The following PLAC9 variants were observed in gnomAD, a reference collection of about 807,000 sequenced individuals.
The protein encoded by PLAC9 is placenta associated 9.
PLAC9 carries 12 observed loss-of-function variants against 11.5 expected under a neutral mutation model. The observed-to-expected ratio is 1.05, with a 90% CI of 0.67 to 1.69. The LOEUF (loss-of-function observed/expected upper bound fraction) is 1.69, where lower values mean the gene tolerates loss of function less well. Among genes scored for constraint, PLAC9 ranks in the 40% most tolerant of loss-of-function variants. The probability of loss-of-function intolerance (pLI) is 0.00; values close to 1 mark genes in which losing one functional copy is unlikely to be tolerated. For synonymous variants in PLAC9, 62 were observed against 58.1 expected (o/e 1.07, Z -0.31); for missense variants, 132 against 130.5 (o/e 1.01, Z -0.06).
rs1334023841 is a variant in PLAC9, at chr10:80,145,138, AC to A, written c.*233del. 14 of 671,412 alleles carry A rather than the reference AC, an allele frequency of 2.1e-5. No homozygotes were observed. In the Admixed American group the frequency reaches 3.0e-4, roughly 14 times the overall value. 41.6% of individuals were successfully genotyped at this position (671,412 alleles called of 1,614,324 possible). On this transcript the variant is annotated 3_prime_UTR_variant, in exon 4 of 4. Transcript: ENST00000372263. ...CCCCTCCAGGCTCAGACCTGGGGAC[AC>A]CCCCACTCCTGTCATTTATAGGGGC...
In PLAC9 at chr10:80,136,006, C is replaced by A. The variant is rs561166359; in HGVS notation, c.64+3180C>A. On this transcript the variant is annotated intron_variant, in intron 1 of 3. Coordinates refer to ENST00000372263, the MANE Select transcript of PLAC9 (RefSeq NM_001012973.3). ...TTCTCAACCCCCAGCATGCAGAAAT[C>A]ATCTGTGTTGTGGCCCTTTCTTACT... Among the ~76,000 whole-genome samples, 14 of 152,330 alleles carry A rather than the reference C, an allele frequency of 9.2e-5. No individual in the cohort carries two copies. In the East Asian group the frequency reaches 1.9e-3, roughly 21 times the overall value.
At chr10:80,139,174 G>C (rs1387577948) in intron 1 of PLAC9, among the ~76,000 whole-genome samples, 3 of 152,004 alleles carry the variant, frequency 2.0e-5, no homozygotes, top group East Asian at 1.9e-4. Context: ...GGATGGTCTC[G>C]ATCTCCTGAC....
intron 1 of PLAC9, 105 bp downstream of exon 1, chr10:80,132,931 C>G: frequency 1.1e-6 from 1 of 942,650 alleles, no homozygotes. Context: ...GACACAGCAG[C>G]GAGATGGACA....
rs565882918 is a variant in PLAC9, at chr10:80,140,838, A to G, written c.65-1244A>G. ...GCCACCATGCCTGGCTAAAATTGCA[A>G]TATTCTTTACCTCTTGTTCCTCCTG... On this transcript the variant is annotated intron_variant, in intron 1 of 3. Transcript: ENST00000372263. Among the ~76,000 whole-genome samples, 114 of 152,168 alleles carry G rather than the reference A, an allele frequency of 7.5e-4. 1 individual carries two copies. The highest frequency in any genetic ancestry group is 2.6e-3 in the African/African-American group (108 of 41,508).
At position 80,144,917 on chromosome 10, in the gene PLAC9, G is replaced by A. The variant is rs754226546; in HGVS notation, c.*7G>A. The A allele has an allele frequency of 6.4e-7, 1 of 1,574,298 alleles. No homozygotes were observed. Among genetic ancestry groups the A allele is most frequent in the Admixed American group, 1.9e-5 (1 of 53,608 alleles). On this transcript the variant is annotated 3_prime_UTR_variant, in exon 4 of 4. Transcript: ENST00000372263. ...TCTTTCAGATGGCTTCTGAGCCCTGGAGCTGGAGCCCAGCAGTTGGAGGTG... is the reference window on the plus strand; with the variant it reads ...TCTTTCAGATGGCTTCTGAGCCCTGAAGCTGGAGCCCAGCAGTTGGAGGTG...
chr10:80,133,647 T>A (rs1229141560), intron 1 of PLAC9, among the ~76,000 whole-genome samples: 2 of 152,214 alleles, frequency 1.3e-5, no homozygotes, highest in African/African-American at 4.8e-5. Context: ...AGAGGCTGTC[T>A]GGGTACTCCA....
Position 80,133,070 on chromosome 10 carries a change from G to A in PLAC9, c.64+244G>A, listed in dbSNP as rs184539009. Among the ~76,000 whole-genome samples, 291 of 152,324 alleles carry A rather than the reference G, an allele frequency of 1.9e-3. 1 individual carries two copies. The highest frequency in any genetic ancestry group is 3.4e-3 in the Non-Finnish European group (232 of 68,036). On this transcript the variant is annotated intron_variant, in intron 1 of 3. Transcript: ENST00000372263. The stretch of plus-strand genomic sequence containing the variant: ...AAGAATACACAGTGAAAAGGAAAAA[G>A]GAGAGGCTGAGACAGAAAGAGGCTT...
chr10:80,139,112 C>T (rs1186873184), intron 1 of PLAC9, among the ~76,000 whole-genome samples: 18 of 151,942 alleles, frequency 1.2e-4, no homozygotes, highest in Non-Finnish European at 1.6e-4. Flanking sequence ...CCGCCACGCC[C>T]GGCTAATTTT....
intron 1 of PLAC9, among the ~76,000 whole-genome samples, chr10:80,138,773 A>G (rs1589404194): frequency 6.6e-6 from 1 of 152,086 alleles, no homozygotes; most frequent in Non-Finnish European, 1.5e-5. Flanking sequence ...ACAACTGCAG[A>G]TGGCCCCTTG....
At chr10:80,142,235 T>G in intron 2 of PLAC9, 56 bp downstream of exon 2, 1 of 1,401,964 alleles carries the variant, frequency 7.1e-7, no homozygotes, top group Non-Finnish European at 1.0e-6. Context: ...TAGGATGGTG[T>G]TTTTATGGGC....
chr10:80,135,784 CA>C (rs1844968840), intron 1 of PLAC9, among the ~76,000 whole-genome samples: 1 of 152,104 alleles, frequency 6.6e-6, no homozygotes, highest in African/African-American at 2.4e-5. Context: ...CAAAAATGAT[CA>C]AAACCCGTGG....
At position 80,144,226 on chromosome 10, in the gene PLAC9, G is replaced by T. The variant is rs371934528; in HGVS notation, c.166G>T (p.Val56Leu). ...QRRLDVMEEM[V>L]EKTVDHLGTE... is the part of the protein sequence containing the mutation. ...TTTACCCCACTTCCCACTCTAGATG[G>T]TAGAGAAGACCGTGGATCACCTGGG... Residue 56 changes from valine to leucine, a missense_variant, in exon 3 of 4, where the codon GTA becomes TTA. Coordinates refer to ENST00000372263, the MANE Select transcript of PLAC9 (RefSeq NM_001012973.3). 5.6e-6 allele frequency: 9 copies of T among 1,614,116 alleles called. No homozygotes were observed. The highest frequency in any genetic ancestry group is 7.6e-6 in the Non-Finnish European group (9 of 1,179,984).
chr10:80,133,837 G>A (rs551082715), intron 1 of PLAC9, among the ~76,000 whole-genome samples: 16 of 151,492 alleles, frequency 1.1e-4, no homozygotes, highest in Non-Finnish European at 2.1e-4. Flanking sequence ...CCAGCTACTC[G>A]GCAGGCTGAG....
intron 1 of PLAC9, among the ~76,000 whole-genome samples, chr10:80,140,030 C>T (rs1158740521): frequency 2.0e-5 from 3 of 152,186 alleles, no homozygotes; most frequent in South Asian, 2.1e-4. Context: ...GCTCACTCCA[C>T]TTTTTGGCCC....
At chr10:80,144,528 C>T (rs1783562072) in intron 3 of PLAC9, among the ~76,000 whole-genome samples, 185 bp downstream of exon 3, 1 of 151,628 alleles carries the variant, frequency 6.6e-6, no homozygotes, top group African/African-American at 2.4e-5. Context: ...CCCCACCTGC[C>T]ACACCCGGTG....
rs1264815128 is a variant in PLAC9, at chr10:80,132,833, G to A, written c.64+7G>A. ...GCCGCGGGCTCTTTGGCCGGTGAGT[G>A]GGGCGCAGGGCGCGGCAGGGGACCT... On this transcript the variant is annotated splice_region_variant and intron_variant, in intron 1 of 3. Coordinates refer to ENST00000372263, the MANE Select transcript of PLAC9 (RefSeq NM_001012973.3). The A allele has an allele frequency of 2.0e-5, 30 of 1,492,696 alleles. No homozygotes were observed. Among genetic ancestry groups the A allele is most frequent in the Non-Finnish European group, 2.7e-5 (30 of 1,128,806 alleles). The allele number at this position is 1,492,696 out of a possible 1,614,324, so 92.5% of individuals were successfully genotyped here.
chr10:80,140,933 T>C (rs963877176), intron 1 of PLAC9, among the ~76,000 whole-genome samples: 8 of 152,322 alleles, frequency 5.3e-5, no homozygotes, highest in African/African-American at 1.9e-4. Flanking sequence ...CTTGGCCTCA[T>C]GAGTCCTCTG....
chr10:80,144,177 C>G (rs766387097), intron 2 of PLAC9, 46 bp from the exon 3 acceptor site: 5 of 1,613,674 alleles, frequency 3.1e-6, no homozygotes, highest in Non-Finnish European at 8.5e-7. Context: ...TGAAGCGGAA[C>G]GTGGAACCAC....
rs1845087757 is a variant in PLAC9, at chr10:80,145,057, C to G, written c.*147C>G. On this transcript the variant is annotated 3_prime_UTR_variant, in exon 4 of 4. Transcript: ENST00000372263. ...CCTCTGTGTCTGCTGACAGAGTAACCCGTTTAACTACAGCCTCCTCTCACT... is the reference window on the plus strand; with the variant it reads ...CCTCTGTGTCTGCTGACAGAGTAACGCGTTTAACTACAGCCTCCTCTCACT... 1 of 1,039,578 alleles carries G rather than the reference C, an allele frequency of 9.6e-7. No individual in the cohort carries two copies. Among genetic ancestry groups the G allele is most frequent in the Admixed American group, 2.0e-5 (1 of 50,186 alleles). 64.4% of individuals were successfully genotyped at this position (1,039,578 alleles called of 1,614,324 possible).
Sources: gnomAD v4.1 joint callset for allele counts (sites outside exome capture counted in the v4.1 genomes callset) on GRCh38, gnomAD v4.1.1 for gene constraint, MANE v1.5 for transcripts, NCBI Gene and HGNC (gene_info 2026-07-23, HGNC 2026-07-21) for gene names.